The following PPP1R3F variants were observed in gnomAD, a reference collection of about 807,000 sequenced individuals.
The protein encoded by PPP1R3F is protein phosphatase 1 regulatory subunit 3F.
PPP1R3F carries 29 observed loss-of-function variants against 24.2 expected under a neutral mutation model. That is an observed-to-expected ratio of 1.20 (90% confidence interval 0.89 to 1.63). PPP1R3F has a LOEUF of 1.63. PPP1R3F is among the 40% of genes most tolerant of loss of function. The pLI, the probability that PPP1R3F is intolerant of heterozygous loss-of-function variation, is 0.00. For synonymous variants in PPP1R3F, 363 were observed against 340.1 expected, an observed-to-expected ratio of 1.07 and a Z score of -0.74; for missense variants, 823 against 729.3, an observed-to-expected ratio of 1.13 and a Z score of -1.48.
At chrX:49,279,804 T>G (rs2066236242) in intron 1 of PPP1R3F, among the ~76,000 whole-genome samples, 1 of 112,244 alleles carries the variant, frequency 8.9e-6, no homozygotes, top group Admixed American at 9.3e-5. Flanking sequence ...CTTCCCTCAT[T>G]TACCTTAATC....
Position 49,286,166 on chromosome X carries a change from C to T in PPP1R3F, c.1476C>T (p.Tyr492=). The stretch of plus-strand genomic sequence containing the variant: ...TCGACCAGGAGCTGGAGCAGCTCTA[C>T]CTGTCTCACCTGAGCCGCCTACGGG... ...DTIDQELEQL[Y]LSHLSRLRAA... is the part of the protein sequence containing the mutation. The change falls in exon 4 of 4, where the codon TAC becomes TAT. Residue 492 remains tyrosine (Y), a synonymous_variant. Transcript: ENST00000055335. 1 of 1,192,397 alleles carries T rather than the reference C, an allele frequency of 8.4e-7. No homozygotes were observed.
chrX:49,274,867 C>T (rs1335383326), intron 1 of PPP1R3F: 1 of 111,532 alleles, frequency 9.0e-6, no homozygotes, highest in African/African-American at 3.3e-5. Context: ...GCTGATTTCC[C>T]TCCCCTGTGT....
At position 49,287,522 on chromosome X, in the gene PPP1R3F, T is replaced by G. The variant is rs1378411894; in HGVS notation, c.*432T>G. 8.2e-6 allele frequency: 1 copy of G among 121,656 alleles called. No individual in the cohort carries two copies. The highest frequency in any genetic ancestry group is 1.7e-5 in the Non-Finnish European group (1 of 59,387). The allele number at this position is 121,656 out of a possible 1,213,427, so 10.0% of individuals were successfully genotyped here. A position where few individuals can be genotyped will look rare whatever the true frequency, so the allele number is the denominator to read the frequency against. Reference sequence around the variant, plus strand: ...TAGAGCTCTATGAGAAACAGTGTCTTGCGGTGTAGTGTTCTCCTGTTTGGG... The same window carrying G: ...TAGAGCTCTATGAGAAACAGTGTCTGGCGGTGTAGTGTTCTCCTGTTTGGG... On this transcript the variant is annotated 3_prime_UTR_variant, in exon 4 of 4. Transcript: ENST00000055335.
chrX:49,278,230 T>C (rs1360290332), intron 1 of PPP1R3F, among the ~76,000 whole-genome samples: 13 of 112,154 alleles, frequency 1.2e-4, no homozygotes, highest in Non-Finnish European at 1.9e-5. Flanking sequence ...GTTTGTAATA[T>C]ATGTCCGGAC....
intron 1 of PPP1R3F, among the ~76,000 whole-genome samples, chrX:49,271,146 C>T (rs2147959900): frequency 8.9e-6 from 1 of 111,738 alleles, no homozygotes; most frequent in East Asian, 2.8e-4. Context: ...CTATGGGAGA[C>T]AGTTTGAAAA....
downstream of PPP1R3F, among the ~76,000 whole-genome samples, chrX:49,290,240 GCCT>G (rs1474903604): frequency 4.5e-5 from 5 of 111,478 alleles, no homozygotes; most frequent in Non-Finnish European, 7.5e-5. Context: ...AGTGTAGGCG[GCCT>G]CCTTCCTGCA....
intron 3 of PPP1R3F, among the ~76,000 whole-genome samples, chrX:49,300,194 C>T (rs1557123196): frequency 9.0e-6 from 1 of 111,633 alleles, no homozygotes; most frequent in African/African-American, 3.3e-5. Flanking sequence ...ATGGGAAAAG[C>T]ATAGTATCTG....
intron 3 of PPP1R3F, among the ~76,000 whole-genome samples, chrX:49,296,522 T>G (rs2066323278): frequency 8.9e-6 from 1 of 111,861 alleles, no homozygotes; most frequent in Non-Finnish European, 1.9e-5. Context: ...TCTCCTTCAG[T>G]TCTGCTCTGA....
At chrX:49,278,775 G>A (rs2066229779) in intron 1 of PPP1R3F, among the ~76,000 whole-genome samples, 1 of 112,566 alleles carries the variant, frequency 8.9e-6, no homozygotes, top group Admixed American at 9.4e-5. Context: ...GTAGGGAAAT[G>A]GGGAATGAAT....
At chrX:49,284,551 G>A (rs1269515461) in intron 3 of PPP1R3F, among the ~76,000 whole-genome samples, 4 of 76,395 alleles carry the variant, frequency 5.2e-5, no homozygotes, top group Non-Finnish European at 9.1e-5. Context: ...TTTCTCTGTC[G>A]CCCAGGCTGG....
In PPP1R3F at chrX:49,287,686, G is replaced by T. The variant is rs782375885; in HGVS notation, c.*596G>T. On this transcript the variant is annotated 3_prime_UTR_variant, in exon 4 of 4. Coordinates refer to ENST00000055335, the MANE Select transcript of PPP1R3F (RefSeq NM_033215.5). ...CTCGTCTCGTGGTCCTAATCCATAT[G>T]GTTCTTTGTCTTTTCCACATTCTGC... The T allele has an allele frequency of 9.0e-6, 1 of 111,435 alleles. No individual in the cohort carries two copies. The highest frequency in any genetic ancestry group is 3.3e-5 in the African/African-American group (1 of 30,417). The allele number at this position is 111,435 out of a possible 1,213,427, so 9.2% of individuals were successfully genotyped here.
chrX:49,291,316 C>CTCTCTCTCTCTG (rs2066308196), downstream of PPP1R3F, among the ~76,000 whole-genome samples: 7 of 88,371 alleles, frequency 7.9e-5, no homozygotes, highest in South Asian at 7.0e-4. Flanking sequence ...CTCTCTCTCT[C>CTCTCTCTCTCTG]TCTCTCTCTC....
At chrX:49,278,419 T>C (rs1209167747) in intron 1 of PPP1R3F, among the ~76,000 whole-genome samples, 1 of 112,279 alleles carries the variant, frequency 8.9e-6, no homozygotes, top group African/African-American at 3.2e-5. Flanking sequence ...CTGGCAGAAA[T>C]TGTGTTGAAA....
At position 49,300,477 on chromosome X, in the gene PPP1R3F, GT is replaced by G. The variant is rs35140303; in HGVS notation, c.393-844del. ...ATTTGGCCATCTTGCTATTGCTGCT[GT>G]TTTTTTTTTTTTTTTTTTTTTTTTT... On this transcript the variant is annotated intron_variant, in intron 3 of 3. Coordinates refer to the PPP1R3F transcript ENST00000471261. 5.3e-3 allele frequency among the ~76,000 whole-genome samples: 373 copies of G among 70,270 alleles called. 1 individual carries two copies. The highest frequency in any genetic ancestry group is 0.025 in the African/African-American group (338 of 13,522). 61.0% of individuals were successfully genotyped at this position (70,270 alleles called of 115,157 possible).
At chrX:49,296,689 C>T (rs1220080160) in intron 3 of PPP1R3F, among the ~76,000 whole-genome samples, 2 of 111,980 alleles carry the variant, frequency 1.8e-5, no homozygotes, top group Non-Finnish European at 3.8e-5. Flanking sequence ...ACTGCTTTAG[C>T]TGTGTCCCAG....
rs782106362 is a variant in PPP1R3F at position 49,270,469 on chromosome X, G to A, written c.600G>A (p.Pro200=). Reference sequence around the variant, plus strand: ...GCGACCACCCAGCGCGCTACGTCCCGCGCAGCCCGCCGTGGGCAGGAGCGG... The same window carrying A: ...GCGACCACCCAGCGCGCTACGTCCCACGCAGCCCGCCGTGGGCAGGAGCGG... ...SFCDHPARYV[P]RSPPWAGAGG... is the part of the protein sequence containing the mutation. Residue 200 remains proline (P), a synonymous_variant, in exon 1 of 4, where the codon CCG becomes CCA. Transcript: ENST00000055335. 1.7e-6 allele frequency: 2 copies of A among 1,200,167 alleles called. No individual in the cohort carries two copies. Among genetic ancestry groups the A allele is most frequent in the Admixed American group, 2.2e-5 (1 of 45,879 alleles).
At chrX:49,282,904 C>T (rs192385544) in intron 3 of PPP1R3F, among the ~76,000 whole-genome samples, 1 of 108,586 alleles carries the variant, frequency 9.2e-6, no homozygotes, top group Non-Finnish European at 1.9e-5. Context: ...GGAAAATAGA[C>T]GTCAGAGTAA....
At chrX:49,291,316 C>CTCTCTCTCTCTCTGTCTG (rs782097550), downstream of PPP1R3F, among the ~76,000 whole-genome samples, 2,492 of 88,248 alleles carry the variant, frequency 0.028, 93 homozygotes, top group Non-Finnish European at 0.043. Flanking sequence ...CTCTCTCTCT[C>CTCTCTCTCTCTCTGTCTG]TCTCTCTCTC....
chrX:49,287,225 A>C lies in PPP1R3F; in HGVS notation c.*135A>C. 1.6e-6 allele frequency: 1 copy of C among 626,737 alleles called. No homozygotes were observed. The highest frequency in any genetic ancestry group is 2.4e-6 in the Non-Finnish European group (1 of 416,396). The allele number at this position is 626,737 out of a possible 1,213,427, so 51.7% of individuals were successfully genotyped here. ...CATCCCCAAGCTCTCCAGTCAACAC[A>C]GGGCTCCCTGTGGTGACACCAGTGG... On this transcript the variant is annotated 3_prime_UTR_variant, in exon 4 of 4. Coordinates refer to ENST00000055335, the MANE Select transcript of PPP1R3F (RefSeq NM_033215.5).
Sources: gnomAD v4.1 joint callset for allele counts (sites outside exome capture counted in the v4.1 genomes callset) on GRCh38, gnomAD v4.1.1 for gene constraint, MANE v1.5 for transcripts, NCBI Gene and HGNC (gene_info 2026-07-23, HGNC 2026-07-21) for gene names.